Variants in TANC1 observed in about 807,000 individuals in gnomAD.
The protein encoded by TANC1 is tetratricopeptide repeat, ankyrin repeat and coiled-coil containing 1.
A neutral mutation model predicts 149.7 loss-of-function variants in TANC1; 77 were observed. That is an observed-to-expected ratio of 0.51 (90% CI 0.43 to 0.62). The LOEUF is 0.62. TANC1 is among the 20% of genes least tolerant of loss of function. TANC1 has a pLI of 0.00. For synonymous variants in TANC1, 854 were observed against 925.0 expected (o/e 0.92, Z 1.39); for missense variants, 1,985 against 2,321.8 (o/e 0.85, Z 2.98).
chr2:159,143,552 A>T (rs1231590305), intron 5 of TANC1, among the ~76,000 whole-genome samples: 1 of 852 alleles, frequency 1.2e-3, no homozygotes, highest in Non-Finnish European at 4.5e-3. Flanking sequence ...ACCCCATCTC[A>T]AAAAAAAAAA....
intron 10 of TANC1, among the ~76,000 whole-genome samples, chr2:159,171,655 G>A (rs2055221946): frequency 1.3e-5 from 2 of 152,098 alleles, no homozygotes; most frequent in African/African-American, 2.4e-5. Context: ...TCAGGAGATT[G>A]AGACCAGCCT....
chr2:158,973,798 T>A (rs761376170), intron 1 of TANC1, among the ~76,000 whole-genome samples: 1 of 152,226 alleles, frequency 6.6e-6, no homozygotes, highest in African/African-American at 2.4e-5. Flanking sequence ...GTTGTTGTGA[T>A]GTACACCCCT....
intron 5 of TANC1, among the ~76,000 whole-genome samples, chr2:159,143,110 C>T (rs1461691260): frequency 1.7e-4 from 21 of 123,364 alleles, no homozygotes; most frequent in Non-Finnish European, 1.9e-5. Flanking sequence ...AACAAAAAAC[C>T]AACTCTGACA....
rs2044326112 is a variant in TANC1 at position 159,082,044 on chromosome 2, G to A, written c.62-15593G>A. ...CCCACCTGCTGCCCAGCCCTGCCCT[G>A]CCCAGCCAAGCCATACCCTGCTCTG... On this transcript the variant is annotated intron_variant, in intron 3 of 26. Coordinates refer to ENST00000263635, the MANE Select transcript of TANC1 (RefSeq NM_033394.3). Among the ~76,000 whole-genome samples the A allele has an allele frequency of 3.3e-5, 5 of 152,340 alleles. No individual in the cohort carries two copies. The South Asian group carries it at 1.0e-3, about 32-fold the overall frequency.
chr2:159,156,288 A>T lies in TANC1; in HGVS notation c.682+5732A>T, dbSNP rs985618639. On this transcript the variant is annotated intron_variant, in intron 7 of 26. Transcript: ENST00000263635. ...CCTTAATTATAGAAGCCTTTTTTTT[A>T]AAATCTCTTGGGTGAAGAGAAGAAT... Among the ~76,000 whole-genome samples the T allele has an allele frequency of 7.9e-5, 12 of 152,110 alleles. No homozygotes were observed. In the South Asian group the frequency reaches 8.3e-4, roughly 11 times the overall value.
In TANC1 at chr2:159,228,810, A is replaced by C. The variant is rs772266763; in HGVS notation, c.4065A>C (p.Ala1355=). The change falls in exon 26 of 27, where the codon GCA becomes GCC. Residue 1355 remains alanine (A), a synonymous_variant. Coordinates refer to ENST00000263635, the MANE Select transcript of TANC1 (RefSeq NM_033394.3). The part of the protein sequence containing the change: ...CRRKTNDFGM[A]EEFASKALEL... ...GTCGACACCAGGACTTTGGCATGGC[A>C]GAGGAATTTGCTTCCAAGGCTCTCG... is the stretch of plus-strand genomic sequence containing the variant. 4 of 1,613,914 alleles carry C rather than the reference A, an allele frequency of 2.5e-6. No homozygotes were observed. The highest frequency in any genetic ancestry group is 1.3e-5 in the African/African-American group (1 of 74,912).
intron 4 of TANC1, among the ~76,000 whole-genome samples, chr2:159,106,618 T>A (rs1365432427): frequency 6.6e-6 from 1 of 152,244 alleles, no homozygotes; most frequent in Non-Finnish European, 1.5e-5. Context: ...ATTTATTATA[T>A]ATAAAGCTGC....
intron 1 of TANC1, among the ~76,000 whole-genome samples, chr2:158,999,047 C>T (rs1372907746): frequency 6.6e-6 from 1 of 152,172 alleles, no homozygotes; most frequent in Non-Finnish European, 1.5e-5. Flanking sequence ...TAGCCCTATT[C>T]AGTTGGGGTG....
intron 10 of TANC1, 112 bp from the exon 11 acceptor site, chr2:159,172,009 A>G (rs1044285341): frequency 2.8e-6 from 3 of 1,073,066 alleles, no homozygotes; most frequent in Non-Finnish European, 4.0e-6. Context: ...ATTTTGGACC[A>G]TGTTCACTCC....
intron 16 of TANC1, 36 bp from the exon 17 acceptor site, chr2:159,194,221 C>T (rs763437317): frequency 6.5e-7 from 1 of 1,540,444 alleles, no homozygotes; most frequent in Non-Finnish European, 9.0e-7. Flanking sequence ...AGATGACATA[C>T]ATGTGACAAT....
At chr2:158,978,721 A>G (rs2033972645) in intron 1 of TANC1, among the ~76,000 whole-genome samples, 1 of 152,186 alleles carries the variant, frequency 6.6e-6, no homozygotes. Flanking sequence ...GCTTAGCTGA[A>G]TAGAGTTATC....
chr2:158,990,663 A>G (rs1427108770), intron 1 of TANC1, among the ~76,000 whole-genome samples: 1 of 152,228 alleles, frequency 6.6e-6, no homozygotes, highest in Non-Finnish European at 1.5e-5. Context: ...GGAGGACTAC[A>G]TGCAGTTGGG....
At chr2:159,109,945 A>G (rs532682448) in intron 4 of TANC1, among the ~76,000 whole-genome samples, 2 of 152,356 alleles carry the variant, frequency 1.3e-5, no homozygotes, top group East Asian at 3.9e-4. Context: ...AAGAAAAAAC[A>G]TTGTATGCTG....
At chr2:159,015,710 T>A (rs1441795047) in intron 2 of TANC1, among the ~76,000 whole-genome samples, 1 of 152,122 alleles carries the variant, frequency 6.6e-6, no homozygotes. Flanking sequence ...ATACCCTAAA[T>A]CATCTCTTTC....
chr2:159,070,018 A>G (rs527480217), intron 3 of TANC1, among the ~76,000 whole-genome samples: 7 of 151,980 alleles, frequency 4.6e-5, no homozygotes, highest in Non-Finnish European at 1.0e-4. Context: ...CTGGGCCTAC[A>G]CAATGCACCC....
chr2:159,120,140 T>A (rs1013003577), intron 4 of TANC1, among the ~76,000 whole-genome samples: 3 of 151,838 alleles, frequency 2.0e-5, no homozygotes, highest in Non-Finnish European at 4.4e-5. Context: ...ATGCCAGAGA[T>A]GCCAGAGACA....
intron 10 of TANC1, 44 bp from the exon 11 acceptor site, chr2:159,172,077 G>A (rs184386000): frequency 3.2e-6 from 5 of 1,581,898 alleles, no homozygotes; most frequent in Non-Finnish European, 4.3e-6. Context: ...ACCACACCCT[G>A]CTCCTACTGT....
chr2:159,219,483 C>A, intron 21 of TANC1, 122 bp downstream of exon 21: 1 of 1,446,614 alleles, frequency 6.9e-7, no homozygotes, highest in Non-Finnish European at 9.6e-7. Context: ...TTCTAATAAA[C>A]AGTAGAGAGA....
intron 14 of TANC1, among the ~76,000 whole-genome samples, chr2:159,184,648 T>C (rs1056370288): frequency 6.6e-6 from 1 of 152,068 alleles, no homozygotes; most frequent in Admixed American, 6.5e-5. Context: ...TGGGGAGGCC[T>C]TGGGGGCCTA....
Sources: allele counts gnomAD v4.1 joint callset (sites outside exome capture counted in the v4.1 genomes callset), GRCh38; gene constraint gnomAD v4.1.1; transcripts MANE v1.5; gene names NCBI Gene and HGNC (gene_info 2026-07-23, HGNC 2026-07-21).